Variants in TRAPPC9 observed in about 807,000 individuals in gnomAD.
TRAPPC9 encodes the protein trafficking protein particle complex subunit 9.
Under a neutral mutation model 124.0 loss-of-function variants are expected in TRAPPC9, and 83 were observed. That is an observed-to-expected ratio of 0.67 (90% CI 0.56 to 0.80). The LOEUF is 0.80. TRAPPC9 is among the 30% of genes least tolerant of loss of function. The probability of loss-of-function intolerance (pLI) is 0.00; values close to 1 mark genes in which losing one functional copy is unlikely to be tolerated. For missense variants in TRAPPC9, 1,302 were observed against 1,508.3 expected (o/e 0.86, Z 2.27); for synonymous variants, 638 against 617.5 (o/e 1.03, Z -0.49).
At chr8:139,975,602 A>G (rs1347071370) in intron 19 of TRAPPC9, among the ~76,000 whole-genome samples, 1 of 152,100 alleles carries the variant, frequency 6.6e-6, no homozygotes, top group African/African-American at 2.4e-5. Context: ...AAATATAAAG[A>G]TCAATTTCCC....
In TRAPPC9 at chr8:139,787,809, C is replaced by T. The variant is rs190062895; in HGVS notation, c.3056-55607G>A. On this transcript the variant is annotated intron_variant, in intron 21 of 22. Transcript: ENST00000438773. ...GTGCTCACCAGACCCCACAGGAAGA[C>T]GGCTCCCAGGGGTGTGGCTTTGAGC... Among the ~76,000 whole-genome samples, 6 of 152,292 alleles carry T rather than the reference C, an allele frequency of 3.9e-5. No homozygotes were observed. In the East Asian group the frequency reaches 5.8e-4, roughly 15 times the overall value.
In TRAPPC9 at chr8:140,281,035, C is replaced by G. The variant is rs140467044; in HGVS notation, c.2114+2854G>C. On this transcript the variant is annotated intron_variant, in intron 14 of 22. Transcript: ENST00000438773. Reference sequence around the variant, plus strand: ...ACACACCACATTCTGCTGACCCATTCACCAGCTGATGGCCATCTGGGCCCT... The same window carrying G: ...ACACACCACATTCTGCTGACCCATTGACCAGCTGATGGCCATCTGGGCCCT... Among the ~76,000 whole-genome samples, 522 of 152,366 alleles carry G rather than the reference C, an allele frequency of 3.4e-3. 1 individual carries two copies. Among genetic ancestry groups the G allele is most frequent in the Admixed American group, 6.3e-3 (96 of 15,312 alleles).
chr8:140,287,512 A>T, intron 13 of TRAPPC9, 96 bp downstream of exon 13: 1 of 1,499,012 alleles, frequency 6.7e-7, no homozygotes, highest in Admixed American at 1.7e-5. Context: ...ACTGGTTAGG[A>T]CTGGCATGAC....
At position 139,907,812 on chromosome 8, in the gene TRAPPC9, G is replaced by A. The variant is rs1230900139; in HGVS notation, c.2964+2335C>T. 1.3e-5 allele frequency among the ~76,000 whole-genome samples: 2 copies of A among 152,192 alleles called. No homozygotes were observed. Among genetic ancestry groups the A allele is most frequent in the Non-Finnish European group, 2.9e-5 (2 of 68,040 alleles). On this transcript the variant is annotated intron_variant, in intron 20 of 22. Transcript: ENST00000438773. This position sits in a 1 kb window ranked among gnomAD's most constrained non-coding sequence, Gnocchi z 4.7. ...TTTTTGATACTGGTTTTCAAAGAACGCAAGAGTTCTGTGGGCCACTATCAT... is the reference window on the plus strand; with the variant it reads ...TTTTTGATACTGGTTTTCAAAGAACACAAGAGTTCTGTGGGCCACTATCAT...
chr8:139,999,711 A>G (rs1317659514), intron 18 of TRAPPC9, among the ~76,000 whole-genome samples: 1 of 152,224 alleles, frequency 6.6e-6, no homozygotes, highest in Non-Finnish European at 1.5e-5. Context: ...AAGCATACAA[A>G]GTATCTTCTC....
At chr8:139,779,658 T>C (rs1176564376) in intron 21 of TRAPPC9, among the ~76,000 whole-genome samples, 1 of 152,136 alleles carries the variant, frequency 6.6e-6, no homozygotes, top group Non-Finnish European at 1.5e-5. Flanking sequence ...CAAAGATGTA[T>C]ATTCTAAACC....
chr8:139,849,703 G>T (rs1342192671), intron 21 of TRAPPC9, among the ~76,000 whole-genome samples: 1 of 152,228 alleles, frequency 6.6e-6, no homozygotes, highest in East Asian at 1.9e-4. Flanking sequence ...ACACTAGGAA[G>T]TGTGCTCAGT....
chr8:140,315,668 C>A (rs2066424818), intron 9 of TRAPPC9, among the ~76,000 whole-genome samples: 1 of 152,138 alleles, frequency 6.6e-6, no homozygotes, highest in African/African-American at 2.4e-5. Context: ...GTGTTTTAAA[C>A]CTTTGACCTT....
In TRAPPC9 at chr8:140,389,194, T is replaced by G. The variant is rs535804216; in HGVS notation, c.1134+8426A>C. Among the ~76,000 whole-genome samples the G allele has an allele frequency of 7.2e-5, 11 of 152,048 alleles. No homozygotes were observed. In the East Asian group the frequency reaches 1.2e-3, roughly 16 times the overall value. The stretch of plus-strand genomic sequence containing the variant: ...CTGGTCTCAAACTTCCGACCTCAGG[T>G]GATCTGCCTGCCTCAGCCTCCCAAA... On this transcript the variant is annotated intron_variant, in intron 7 of 22. Transcript: ENST00000438773.
chr8:140,301,280 C>G (rs1184719464), intron 10 of TRAPPC9, among the ~76,000 whole-genome samples: 1 of 152,212 alleles, frequency 6.6e-6, no homozygotes, highest in Non-Finnish European at 1.5e-5. Flanking sequence ...TACTCATGCT[C>G]GAATTCATCC....
chr8:140,329,509 A>G (rs796116288), intron 9 of TRAPPC9, among the ~76,000 whole-genome samples: 52 of 152,318 alleles, frequency 3.4e-4, no homozygotes, highest in African/African-American at 1.2e-3. Context: ...GCATTGCCTT[A>G]CTTAATATTT....
At chr8:140,205,113 T>C (rs2062890668) in intron 17 of TRAPPC9, among the ~76,000 whole-genome samples, 1 of 152,230 alleles carries the variant, frequency 6.6e-6, no homozygotes, top group Non-Finnish European at 1.5e-5. Context: ...GTGATCACAT[T>C]AAGTAGCAAT....
intron 9 of TRAPPC9, among the ~76,000 whole-genome samples, chr8:140,335,535 T>A (rs2067010994): frequency 6.6e-6 from 1 of 152,048 alleles, no homozygotes; most frequent in African/African-American, 2.4e-5. Flanking sequence ...GAGGATATGG[T>A]AACCGCAGGA....
Position 139,758,409 on chromosome 8 carries a change from A to G in TRAPPC9, c.3056-26207T>C, listed in dbSNP as rs187435631. ...AACTAAAGCTGAACTTGGCTCACAT[A>G]TTGACTCTGTCAACATCCTAGCTCT... is the stretch of plus-strand genomic sequence containing the variant. On this transcript the variant is annotated intron_variant, in intron 21 of 22. Coordinates refer to ENST00000438773, the MANE Select transcript of TRAPPC9 (RefSeq NM_001160372.4). 2.7e-3 allele frequency among the ~76,000 whole-genome samples: 406 copies of G among 152,282 alleles called. 1 individual carries two copies. Among genetic ancestry groups the G allele is most frequent in the African/African-American group, 8.4e-3 (347 of 41,504 alleles).
chr8:140,253,570 C>A (rs182166420), intron 15 of TRAPPC9, among the ~76,000 whole-genome samples: 1 of 151,750 alleles, frequency 6.6e-6, no homozygotes, highest in Non-Finnish European at 1.5e-5. Flanking sequence ...CCCAGCTACT[C>A]GGGAGGCTGA....
At chr8:139,751,421 C>T (rs566027811) in intron 21 of TRAPPC9, among the ~76,000 whole-genome samples, 14 of 152,302 alleles carry the variant, frequency 9.2e-5, no homozygotes, top group Admixed American at 7.8e-4. Context: ...GTCCCAGGGC[C>T]ATGCCCTAGC....
At chr8:140,253,660 AG>A (rs1469136399) in intron 15 of TRAPPC9, among the ~76,000 whole-genome samples, 3 of 152,234 alleles carry the variant, frequency 2.0e-5, no homozygotes, top group East Asian at 3.9e-4. Flanking sequence ...CCTGGGCAAC[AG>A]AGCAAGACTC....
At chr8:140,424,450 C>T (rs1377616121) in intron 5 of TRAPPC9, among the ~76,000 whole-genome samples, 3 of 151,460 alleles carry the variant, frequency 2.0e-5, no homozygotes, top group African/African-American at 4.9e-5. Flanking sequence ...TGGGTCAACA[C>T]AGAGAGAGAC....
intron 21 of TRAPPC9, among the ~76,000 whole-genome samples, chr8:139,821,874 C>G (rs1320042406): frequency 1.3e-5 from 2 of 152,192 alleles, no homozygotes; most frequent in Admixed American, 6.5e-5. Context: ...AGCTGGAGTT[C>G]TCCCCATGGA....
Sources: allele counts gnomAD v4.1 joint callset (sites outside exome capture counted in the v4.1 genomes callset), GRCh38; gene constraint gnomAD v4.1.1; non-coding constraint Gnocchi (gnomAD v3.1); transcripts MANE v1.5; gene names NCBI Gene and HGNC (gene_info 2026-07-23, HGNC 2026-07-21).